The following STXBP5 variants were observed in gnomAD, a reference collection of about 807,000 sequenced individuals.
STXBP5 encodes syntaxin-binding protein 5.
Under a neutral mutation model 152.4 loss-of-function variants are expected in STXBP5, and 50 were observed. The observed-to-expected ratio is 0.33, with a 90% CI of 0.26 to 0.42. The LOEUF (loss-of-function observed/expected upper bound fraction) is 0.42, where lower values mean the gene tolerates loss of function less well. STXBP5 is among the 10% of genes least tolerant of loss of function. The pLI is 1.00. For synonymous variants in STXBP5, 492 were observed against 494.7 expected (o/e 0.99, Z 0.07); for missense variants, 1,167 against 1,388.6 (o/e 0.84, Z 2.54).
At chr6:147,310,534 T>C (rs1475098247) in intron 10 of STXBP5, among the ~76,000 whole-genome samples, 1 of 34,378 alleles carries the variant, frequency 2.9e-5, no homozygotes, top group Non-Finnish European at 8.4e-5. Flanking sequence ...AGAAAGTGAT[T>C]GATTGATTGA....
intron 25 of STXBP5, among the ~76,000 whole-genome samples, chr6:147,369,101 TC>T (rs1785427782): frequency 6.6e-6 from 1 of 151,964 alleles, no homozygotes; most frequent in African/African-American, 2.4e-5. Flanking sequence ...GCTGCAGTAA[TC>T]AGTAGAGAAT....
In STXBP5 at chr6:147,388,404, CATGTT is replaced by C. The variant is rs1263897558; in HGVS notation, c.*3652_*3656del. The C allele has an allele frequency of 6.6e-6, 1 of 151,538 alleles. No individual in the cohort carries two copies. Among genetic ancestry groups the C allele is most frequent in the African/African-American group, 2.4e-5 (1 of 41,344 alleles). The allele number at this position is 151,538 out of a possible 1,614,324, so 9.4% of individuals were successfully genotyped here. On this transcript the variant is annotated 3_prime_UTR_variant, in exon 28 of 28. Transcript: ENST00000321680. ...GATTTGTTTTAAGATCATACAGTAA[CATGTT>C]ATATTTATACATACTGCTAGAAAAT...
intron 7 of STXBP5, among the ~76,000 whole-genome samples, chr6:147,270,691 A>G (rs79164797): frequency 0.017 from 2,568 of 152,278 alleles, 75 homozygotes; most frequent in African/African-American, 0.059. Context: ...AAAAGAATGA[A>G]AGACTCCAGA....
chr6:147,247,432 A>C (rs1778865190), intron 4 of STXBP5, among the ~76,000 whole-genome samples: 1 of 152,218 alleles, frequency 6.6e-6, no homozygotes, highest in Non-Finnish European at 1.5e-5. Flanking sequence ...CTGGTTGGTG[A>C]TATGGAAATG....
At chr6:147,219,934 A>T (rs1777377466) in intron 2 of STXBP5, among the ~76,000 whole-genome samples, 1 of 148,656 alleles carries the variant, frequency 6.7e-6, no homozygotes, top group Non-Finnish European at 1.5e-5. Flanking sequence ...CTTTGGGTTC[A>T]GTTTCCTCTT....
intron 2 of STXBP5, among the ~76,000 whole-genome samples, chr6:147,232,860 A>G (rs1778072674): frequency 6.6e-6 from 1 of 151,852 alleles, no homozygotes; most frequent in South Asian, 2.1e-4. Flanking sequence ...ACATAGCCCA[A>G]GAGTAAAACG....
chr6:147,255,460 G>T (rs550687687), intron 4 of STXBP5, among the ~76,000 whole-genome samples: 35 of 152,160 alleles, frequency 2.3e-4, no homozygotes, highest in African/African-American at 8.4e-4. Context: ...AACAAATAAG[G>T]CAAGAAAGGT....
intron 18 of STXBP5, among the ~76,000 whole-genome samples, chr6:147,329,359 T>C (rs948264310): frequency 6.7e-6 from 1 of 149,998 alleles, no homozygotes; most frequent in South Asian, 2.1e-4. Context: ...CTCATTGTTA[T>C]GTCTCGCTTT....
At chr6:147,280,966 C>G (rs1229327192) in intron 8 of STXBP5, among the ~76,000 whole-genome samples, 2 of 151,950 alleles carry the variant, frequency 1.3e-5, no homozygotes, top group African/African-American at 2.4e-5. Context: ...TTTATATAAG[C>G]TATATGTAGA....
chr6:147,224,255 G>A (rs1257188482), intron 2 of STXBP5, among the ~76,000 whole-genome samples: 1 of 152,116 alleles, frequency 6.6e-6, no homozygotes, highest in Non-Finnish European at 1.5e-5. Context: ...GTGAAACCCT[G>A]TCTCTACTAA....
intron 5 of STXBP5, among the ~76,000 whole-genome samples, chr6:147,262,067 A>G (rs1330925947): frequency 2.0e-5 from 3 of 151,920 alleles, no homozygotes; most frequent in East Asian, 3.9e-4. Flanking sequence ...CAGAAAGTGT[A>G]CTTAATTGTG....
intron 25 of STXBP5, among the ~76,000 whole-genome samples, chr6:147,370,837 T>C (rs997542865): frequency 6.6e-6 from 1 of 152,030 alleles, no homozygotes; most frequent in Admixed American, 6.6e-5. Flanking sequence ...AGATATTTAT[T>C]TTTTCAGACT....
chr6:147,381,842 A>G (rs946395251), intron 26 of STXBP5, among the ~76,000 whole-genome samples: 2 of 152,150 alleles, frequency 1.3e-5, no homozygotes, highest in Admixed American at 6.6e-5. Context: ...ATTTATGGAA[A>G]CAGAGAGTAG....
chr6:147,314,318 A>C lies in STXBP5; in HGVS notation c.1348A>C (p.Ile450Leu). Residue 450 changes from isoleucine (I) to leucine (L), a missense_variant, in exon 13 of 28, where the codon ATA becomes CTA. Around this residue, in one of 3 missense-constraint regions of STXBP5, gnomAD observed 833 missense variants for 986.3 expected, o/e 0.84. Coordinates refer to ENST00000321680, the MANE Select transcript of STXBP5 (RefSeq NM_001127715.4). The part of the protein sequence containing the change: ...WGLGAQSYPE[I>L]IITGHADGSV... The stretch of plus-strand genomic sequence containing the variant: ...CTTGGGTGCTCAAAGTTACCCAGAA[A>C]TAATTATTACAGGGTAAGTAAAAGT... 16 of 1,612,134 alleles carry C rather than the reference A, an allele frequency of 9.9e-6. No homozygotes were observed. The highest frequency in any genetic ancestry group is 1.3e-5 in the Non-Finnish European group (15 of 1,178,276).
rs1297545332 is a variant in STXBP5, at chr6:147,204,571, G to T, written c.39G>T (p.Leu13=). 2 of 1,610,842 alleles carry T rather than the reference G, an allele frequency of 1.2e-6. No homozygotes were observed. Among genetic ancestry groups the T allele is most frequent in the South Asian group, 2.2e-5 (2 of 90,976 alleles). The change falls in exon 1 of 28, where the codon CTG becomes CTT. Residue 13 remains leucine, a synonymous_variant. Coordinates refer to ENST00000321680, the MANE Select transcript of STXBP5 (RefSeq NM_001127715.4). The surrounding 1 kb of genome is among the most constrained non-coding windows in gnomAD (Gnocchi z 4.3). ...ACATCAGGAAGGTGCTGGACGGCCT[G>T]ACCGCCGGCTCGTCCTCGGCGTCGC... ...KFNIRKVLDG[L]TAGSSSASQQ... is the part of the protein sequence containing the mutation.
intron 25 of STXBP5, among the ~76,000 whole-genome samples, chr6:147,371,404 G>A (rs908811493): frequency 2.0e-5 from 3 of 152,052 alleles, no homozygotes; most frequent in Non-Finnish European, 4.4e-5. Context: ...TAAATGACTT[G>A]TGTATTTTCT....
At chr6:147,355,081 A>G (rs1452724708) in intron 22 of STXBP5, among the ~76,000 whole-genome samples, 3 of 152,104 alleles carry the variant, frequency 2.0e-5, no homozygotes, top group African/African-American at 4.8e-5. Context: ...GAAATTGTGC[A>G]GCACTGTACT....
Position 147,373,959 on chromosome 6 carries a change from T to A in STXBP5, c.3193+117T>A, listed in dbSNP as rs138289042. 1.1e-3 allele frequency: 677 copies of A among 596,550 alleles called. 2 individuals are homozygous for A. The highest frequency in any genetic ancestry group is 2.0e-3 in the Middle Eastern group (5 of 2,486). 37.0% of individuals were successfully genotyped at this position (596,550 alleles called of 1,614,324 possible). ...TTTTTCTCTTTGTCACAATTACTAT[T>A]TCCATGTTTTAACAAAATACATAAA... On this transcript the variant is annotated intron_variant, in intron 26 of 27. Transcript: ENST00000321680.
Position 147,386,390 on chromosome 6 carries a change from T to C in STXBP5, c.*1635T>C, listed in dbSNP as rs576495494. On this transcript the variant is annotated 3_prime_UTR_variant, in exon 28 of 28. Transcript: ENST00000321680. The stretch of plus-strand genomic sequence containing the variant: ...CTTAACTTTTTCATACAGTCTGTTA[T>C]GCATATTTTCCTCTACTTTTCATTA... 1 of 151,904 alleles carries C rather than the reference T, an allele frequency of 6.6e-6. No homozygotes were observed. The highest frequency in any genetic ancestry group is 2.1e-4 in the South Asian group (1 of 4,822). The allele number at this position is 151,904 out of a possible 1,614,324, so 9.4% of individuals were successfully genotyped here.
Sources: gnomAD v4.1 joint callset for allele counts (sites outside exome capture counted in the v4.1 genomes callset) on GRCh38, gnomAD v4.1.1 for gene constraint, gnomAD v4.1.1 regional missense constraint, Gnocchi (gnomAD v3.1) non-coding constraint, MANE v1.5 for transcripts, NCBI Gene and HGNC (gene_info 2026-07-23, HGNC 2026-07-21) for gene names.